The following WDR64 variants were observed in gnomAD, a reference collection of about 807,000 sequenced individuals.
WDR64 encodes WD repeat domain 64.
Under a neutral mutation model 139.3 loss-of-function variants are expected in WDR64, and 112 were observed. The ratio of observed to expected loss-of-function variants is 0.80; its 90% CI spans 0.69 to 0.94. The LOEUF (loss-of-function observed/expected upper bound fraction) is 0.94. Among genes scored for constraint, WDR64 ranks in the 40% least tolerant of loss-of-function variants. The pLI, the probability that WDR64 is intolerant of heterozygous loss-of-function variation, is 0.00. For synonymous variants in WDR64, 444 were observed against 437.7 expected, an observed-to-expected ratio of 1.01 and a Z score of -0.18; for missense variants, 1,206 against 1,293.1, an observed-to-expected ratio of 0.93 and a Z score of 1.03.
chr1:241,680,746 T>C (rs7414508), intron 6 of WDR64, among the ~76,000 whole-genome samples: 110,463 of 151,996 alleles, frequency 0.73, 40,786 homozygotes, highest in Middle Eastern at 0.8. Context: ...TGAAAAAAAC[T>C]AAACAGTGCT....
chr1:241,710,369 A>T (rs964101572), intron 8 of WDR64, among the ~76,000 whole-genome samples: 1 of 152,192 alleles, frequency 6.6e-6, no homozygotes, highest in Non-Finnish European at 1.5e-5. Flanking sequence ...TGGAGCCAGG[A>T]TGGAAGCCCA....
chr1:241,719,040 T>C (rs1231831465), intron 9 of WDR64, among the ~76,000 whole-genome samples: 1 of 152,210 alleles, frequency 6.6e-6, no homozygotes, highest in Non-Finnish European at 1.5e-5. Context: ...ATTGCAATTC[T>C]TAAGAAATGG....
intron 3 of WDR64, among the ~76,000 whole-genome samples, chr1:241,672,180 A>T (rs2148074449): frequency 6.6e-6 from 1 of 152,298 alleles, no homozygotes; most frequent in African/African-American, 2.4e-5. Context: ...CAAACAAACA[A>T]ACAAACAAAG....
intron 8 of WDR64, among the ~76,000 whole-genome samples, chr1:241,698,166 C>A (rs751419239): frequency 1.3e-5 from 2 of 152,106 alleles, no homozygotes; most frequent in African/African-American, 2.4e-5. Flanking sequence ...GCTTAACTTC[C>A]CCCACTTTAA....
intron 23 of WDR64, 83 bp downstream of exon 23, chr1:241,783,464 A>C (rs953597): frequency 0.65 from 648,912 of 1,005,450 alleles, 213,844 homozygotes; most frequent in Non-Finnish European, 0.7. Flanking sequence ...TGAAGTATAT[A>C]GTTCAAATGC....
intron 10 of WDR64, among the ~76,000 whole-genome samples, chr1:241,729,652 G>A (rs893287335): frequency 6.6e-6 from 1 of 152,066 alleles, no homozygotes; most frequent in Non-Finnish European, 1.5e-5. Flanking sequence ...CATGCCCAAA[G>A]CCTTCACTAA....
chr1:241,799,242 G>T (rs1162526608), intron 27 of WDR64, among the ~76,000 whole-genome samples: 1 of 108,744 alleles, frequency 9.2e-6, no homozygotes, highest in East Asian at 2.1e-4. Flanking sequence ...TTAGCCGGGT[G>T]TGGTGGTGCA....
In WDR64 at chr1:241,741,638, A is replaced by G. The variant is rs777701343; in HGVS notation, c.1444A>G (p.Thr482Ala). The G allele has an allele frequency of 6.2e-7, 1 of 1,612,194 alleles. No homozygotes were observed. The highest frequency in any genetic ancestry group is 8.5e-7 in the Non-Finnish European group (1 of 1,179,676). Residue 482 changes from threonine (T) to alanine (A), a missense_variant, in exon 12 of 28, where the codon ACT becomes GCT. By Grantham distance (58) the Thr-to-Ala change is moderately conservative (BLOSUM62 0). Transcript: ENST00000437684. Reference sequence around the variant, plus strand: ...CAACAAATATTTTCATCAAGTACTCACTATCTGCTCTGAATCCATAATTAG... The same window carrying G: ...CAACAAATATTTTCATCAAGTACTCGCTATCTGCTCTGAATCCATAATTAG... Reference protein sequence around the residue: ...LYNKYFHQVLTICSESIIRVW... With the variant: ...LYNKYFHQVLAICSESIIRVW...
intron 12 of WDR64, 149 bp downstream of exon 12, chr1:241,741,813 C>A (rs992641184): frequency 1.1e-5 from 10 of 906,306 alleles, no homozygotes; most frequent in Non-Finnish European, 1.5e-5. Context: ...TCCATGAGTA[C>A]GTGAAAAACA....
intron 2 of WDR64, among the ~76,000 whole-genome samples, chr1:241,666,592 T>C (rs1178448116): frequency 6.6e-6 from 1 of 152,192 alleles, no homozygotes; most frequent in Non-Finnish European, 1.5e-5. Context: ...TGATGTGTTG[T>C]TTGGGTAAGT....
chr1:241,661,701 C>A (rs1396607502), intron 2 of WDR64, among the ~76,000 whole-genome samples: 1 of 152,116 alleles, frequency 6.6e-6, no homozygotes, highest in Admixed American at 6.5e-5. Context: ...GTACAATTTA[C>A]CCCAGCAAAG....
chr1:241,735,802 C>T (rs993042752), intron 10 of WDR64, among the ~76,000 whole-genome samples: 2 of 144,454 alleles, frequency 1.4e-5, no homozygotes, highest in African/African-American at 5.1e-5. Flanking sequence ...GCCACTGCTC[C>T]CAGCCTGTCC....
At chr1:241,760,776 T>G (rs1350640535) in intron 15 of WDR64, among the ~76,000 whole-genome samples, 1 of 140,830 alleles carries the variant, frequency 7.1e-6, no homozygotes, top group Non-Finnish European at 1.5e-5. Context: ...TTTTTTTTTT[T>G]TTTTTTTGAG....
intron 8 of WDR64, among the ~76,000 whole-genome samples, chr1:241,690,988 T>C (rs1487772611): frequency 6.6e-6 from 1 of 152,110 alleles, no homozygotes; most frequent in Non-Finnish European, 1.5e-5. Context: ...GTAAGCAAAA[T>C]AAATGACAGC....
intron 15 of WDR64, among the ~76,000 whole-genome samples, chr1:241,762,578 G>A (rs1350614810): frequency 6.6e-6 from 1 of 151,898 alleles, no homozygotes; most frequent in East Asian, 1.9e-4. Context: ...TAATATTATA[G>A]TACTCTAATC....
intron 1 of WDR64, among the ~76,000 whole-genome samples, chr1:241,654,979 A>G (rs988078387): frequency 3.3e-5 from 5 of 152,190 alleles, no homozygotes; most frequent in Admixed American, 3.3e-4. Context: ...AAAATCCATA[A>G]TCTGAAACAC....
chr1:241,787,117 G>A (rs1393724643), intron 23 of WDR64, among the ~76,000 whole-genome samples: 1 of 151,822 alleles, frequency 6.6e-6, no homozygotes, highest in Non-Finnish European at 1.5e-5. Flanking sequence ...CACTTTGGGA[G>A]CCCGAGGCGG....
intron 25 of WDR64, among the ~76,000 whole-genome samples, chr1:241,792,263 G>A (rs1231165500): frequency 6.6e-6 from 1 of 152,206 alleles, no homozygotes; most frequent in African/African-American, 2.4e-5. Flanking sequence ...GGGGCCGGGT[G>A]CGGTGGCTCA....
In WDR64 at chr1:241,705,643, A is replaced by AG. The variant is rs1255907210; in HGVS notation, c.975-6155dup. On this transcript the variant is annotated intron_variant, in intron 8 of 27. Transcript: ENST00000437684. Reference sequence around the variant, plus strand: ...TACCCCGTCACCTGGACTGGAGGGCAGGGGCATGATTATAGCTCATTGCAC... The same window carrying AG: ...TACCCCGTCACCTGGACTGGAGGGCAGGGGGCATGATTATAGCTCATTGCAC... 1.1e-4 allele frequency among the ~76,000 whole-genome samples: 16 copies of AG among 151,860 alleles called. No homozygotes were observed. The South Asian group carries it at 3.3e-3, about 32-fold the overall frequency.
Sources: allele counts gnomAD v4.1 joint callset (sites outside exome capture counted in the v4.1 genomes callset), GRCh38; gene constraint gnomAD v4.1.1; transcripts MANE v1.5; gene names NCBI Gene and HGNC (gene_info 2026-07-23, HGNC 2026-07-21).